CCDC148: variants seen among roughly 807,000 people sequenced by gnomAD.
CCDC148 encodes coiled-coil domain-containing protein 148.
CCDC148 carries 89 observed loss-of-function variants against 85.7 expected under a neutral mutation model. The observed-to-expected ratio is 1.04, with a 90% CI of 0.87 to 1.24. The LOEUF (loss-of-function observed/expected upper bound fraction) is 1.24. Among genes scored for constraint, CCDC148 ranks in the 50% most tolerant of loss-of-function variants. CCDC148 has a pLI of 0.00. For missense variants in CCDC148, 692 were observed against 671.7 expected (o/e 1.03, Z -0.33); for synonymous variants, 230 against 213.9 (o/e 1.08, Z -0.66).
At position 158,255,430 on chromosome 2, in the gene CCDC148, T is replaced by C. The variant is rs546852707; in HGVS notation, c.1111-4518A>G. 8.6e-5 allele frequency among the ~76,000 whole-genome samples: 13 copies of C among 151,794 alleles called. No individual in the cohort carries two copies. In the East Asian group the frequency reaches 2.5e-3, roughly 29 times the overall value. ...CAAAACAACTTTTAAGAATGCACAC[T>C]GGATAAGATGAAGAATCTGGTGGCA... On this transcript the variant is annotated intron_variant, in intron 9 of 13. Coordinates refer to ENST00000283233, the MANE Select transcript of CCDC148 (RefSeq NM_138803.4).
intron 7 of CCDC148, among the ~76,000 whole-genome samples, chr2:158,317,457 T>G (rs1199472327): frequency 6.6e-6 from 1 of 152,192 alleles, no homozygotes; most frequent in African/African-American, 2.4e-5. Context: ...ATCACAGATA[T>G]CATTTTATTA....
chr2:158,274,243 C>A (rs912581447), intron 9 of CCDC148, among the ~76,000 whole-genome samples: 9 of 152,130 alleles, frequency 5.9e-5, no homozygotes, highest in African/African-American at 2.2e-4. Context: ...CAGGCTTCAC[C>A]CCAGAATCGG....
At chr2:158,279,681 A>T (rs1690165781) in intron 9 of CCDC148, among the ~76,000 whole-genome samples, 2 of 152,234 alleles carry the variant, frequency 1.3e-5, no homozygotes, top group Admixed American at 6.5e-5. Flanking sequence ...GGGGGAATGG[A>T]ACCAAGTTGA....
intron 9 of CCDC148, among the ~76,000 whole-genome samples, chr2:158,284,428 A>T (rs943670784): frequency 1.3e-5 from 2 of 152,220 alleles, no homozygotes; most frequent in Admixed American, 6.5e-5. Context: ...AACGAATGTG[A>T]CAAGTGAAGA....
In CCDC148 at chr2:158,309,639, C is replaced by T; in HGVS notation, c.904G>A (p.Val302Ile). 1.2e-6 allele frequency: 2 copies of T among 1,606,600 alleles called. No homozygotes were observed. Among genetic ancestry groups the T allele is most frequent in the Admixed American group, 1.7e-5 (1 of 59,608 alleles). ...TGGTCACAATATTTCTCGTGTTCAACCTGAAAAGATAACAGAGGGTGAATA... is the reference window on the plus strand; with the variant it reads ...TGGTCACAATATTTCTCGTGTTCAATCTGAAAAGATAACAGAGGGTGAATA... ...YFPHKSRHDL[V>I]EHEKYCDQYR... The change falls in exon 9 of 14, where the codon GTT becomes ATT. Residue 302 changes from valine to isoleucine, a missense_variant and splice_region_variant. Transcript: ENST00000283233.
chr2:158,306,919 T>A (rs955815406), intron 9 of CCDC148, among the ~76,000 whole-genome samples: 3 of 150,756 alleles, frequency 2.0e-5, no homozygotes, highest in African/African-American at 7.3e-5. Flanking sequence ...CTCAGGAAGC[T>A]GAGGCAGGAG....
rs565105992 is a variant in CCDC148, at chr2:158,246,236, A to C, written c.1251+4536T>G. 4.6e-5 allele frequency among the ~76,000 whole-genome samples: 7 copies of C among 152,344 alleles called. No homozygotes were observed. In the South Asian group the frequency reaches 1.2e-3, roughly 27 times the overall value. ...GGGGGAAAACAGAGCACCAGCTACCAAAGCAACACCTCTCATGACAGCAGG... is the reference window on the plus strand; with the variant it reads ...GGGGGAAAACAGAGCACCAGCTACCCAAGCAACACCTCTCATGACAGCAGG... On this transcript the variant is annotated intron_variant, in intron 10 of 13. Coordinates refer to ENST00000283233, the MANE Select transcript of CCDC148 (RefSeq NM_138803.4).
chr2:158,359,628 C>T (rs188217502), intron 1 of CCDC148, among the ~76,000 whole-genome samples: 3 of 152,098 alleles, frequency 2.0e-5, no homozygotes, highest in African/African-American at 7.2e-5. Context: ...GGGACTGTGC[C>T]GTGAGGAATG....
At chr2:158,285,798 A>C (rs1690597777) in intron 9 of CCDC148, among the ~76,000 whole-genome samples, 1 of 151,948 alleles carries the variant, frequency 6.6e-6, no homozygotes, top group Admixed American at 6.6e-5. Context: ...AGCCTCCCAA[A>C]GTGCTGGGAT....
chr2:158,385,183 A>C (rs1416576736), intron 1 of CCDC148, among the ~76,000 whole-genome samples: 3 of 152,180 alleles, frequency 2.0e-5, no homozygotes, highest in African/African-American at 7.2e-5. Context: ...CTAAATTTAA[A>C]GGGCTCTTGT....
rs1317451393 is a variant in CCDC148, at chr2:158,211,153, C to G, written c.1370+9442G>C. Among the ~76,000 whole-genome samples the G allele has an allele frequency of 2.0e-5, 3 of 151,738 alleles. No individual in the cohort carries two copies. In the East Asian group the frequency reaches 5.8e-4, roughly 29 times the overall value. ...TACCTATGTAACCAACCTGTACATT[C>G]TGCACACATATCCCAGAACTTAAAG... is the stretch of plus-strand genomic sequence containing the variant. On this transcript the variant is annotated intron_variant, in intron 11 of 13. Transcript: ENST00000283233.
chr2:158,246,214 G>A (rs1688564257), intron 10 of CCDC148, among the ~76,000 whole-genome samples: 1 of 152,140 alleles, frequency 6.6e-6, no homozygotes, highest in Non-Finnish European at 1.5e-5. Context: ...GCAGATGGGG[G>A]GAAAACAGAG....
chr2:158,369,065 G>A (rs1385081046), intron 1 of CCDC148, among the ~76,000 whole-genome samples: 2 of 151,956 alleles, frequency 1.3e-5, no homozygotes, highest in East Asian at 3.9e-4. Context: ...ACCCCATGAC[G>A]GTGAGTCTTC....
chr2:158,397,839 T>C (rs943134740), intron 1 of CCDC148, among the ~76,000 whole-genome samples: 11 of 151,828 alleles, frequency 7.2e-5, no homozygotes, highest in African/African-American at 2.4e-4. Flanking sequence ...GACTAGCAAA[T>C]TGGATAAAGA....
chr2:158,281,850 T>G (rs554186161), intron 9 of CCDC148, among the ~76,000 whole-genome samples: 1 of 152,150 alleles, frequency 6.6e-6, no homozygotes, highest in African/African-American at 2.4e-5. Flanking sequence ...ACCAACATCC[T>G]TGATGAACAT....
intron 1 of CCDC148, among the ~76,000 whole-genome samples, chr2:158,437,606 T>C (rs1687722804): frequency 6.6e-6 from 1 of 152,062 alleles, no homozygotes; most frequent in African/African-American, 2.4e-5. Context: ...CTATTCAACA[T>C]AGTGTTGGAA....
intron 2 of CCDC148, among the ~76,000 whole-genome samples, chr2:158,357,135 C>T (rs1357730432): frequency 8.7e-5 from 13 of 149,238 alleles, no homozygotes; most frequent in East Asian, 3.9e-4. Flanking sequence ...TGCTAGATGA[C>T]GAGTTAGTGG....
intron 7 of CCDC148, among the ~76,000 whole-genome samples, chr2:158,321,343 C>T (rs1692511667): frequency 6.6e-6 from 1 of 152,120 alleles, no homozygotes; most frequent in African/African-American, 2.4e-5. Flanking sequence ...GCTGCAGTGA[C>T]CCAGGATGTT....
At chr2:158,418,625 C>T (rs971860905) in intron 1 of CCDC148, among the ~76,000 whole-genome samples, 3 of 148,802 alleles carry the variant, frequency 2.0e-5, no homozygotes, top group Non-Finnish European at 4.5e-5. Context: ...TCTTATGTGA[C>T]AATCCTGCCC....
Sources: allele counts gnomAD v4.1 joint callset (sites outside exome capture counted in the v4.1 genomes callset), GRCh38; gene constraint gnomAD v4.1.1; transcripts MANE v1.5; gene names NCBI Gene and HGNC (gene_info 2026-07-23, HGNC 2026-07-21).